The following MAP4 variants were observed in gnomAD, a reference collection of about 807,000 sequenced individuals.
MAP4 encodes the protein microtubule-associated protein 4.
MAP4 carries 76 observed loss-of-function variants against 170.2 expected under a neutral mutation model. The ratio of observed to expected loss-of-function variants is 0.45; its 90% CI spans 0.37 to 0.54. MAP4 has a LOEUF of 0.54. Among genes scored for constraint, MAP4 ranks in the 20% least tolerant of loss-of-function variants. The pLI, the probability that MAP4 is intolerant of heterozygous loss-of-function variation, is 0.00. For synonymous variants in MAP4, 909 were observed against 994.5 expected, an observed-to-expected ratio of 0.91 and a Z score of 1.62; for missense variants, 2,506 against 2,748.0, an observed-to-expected ratio of 0.91 and a Z score of 1.97.
At chr3:48,032,865 A>G (rs2154521445) in intron 1 of MAP4, among the ~76,000 whole-genome samples, 1 of 152,288 alleles carries the variant, frequency 6.6e-6, no homozygotes, top group East Asian at 1.9e-4. Context: ...AAAGCTTCAA[A>G]TCTTAAAGTT....
At chr3:47,928,160 G>A (rs138123383) in intron 4 of MAP4, 68 bp downstream of exon 4, 344 of 1,587,146 alleles carry the variant, frequency 2.2e-4, no homozygotes, top group Middle Eastern at 1.0e-3. Context: ...CATCTGAATG[G>A]TGGTTGTAGC....
At chr3:48,057,686 T>C (rs1039441540) in intron 1 of MAP4, among the ~76,000 whole-genome samples, 3 of 148,616 alleles carry the variant, frequency 2.0e-5, no homozygotes, top group Non-Finnish European at 4.5e-5. Flanking sequence ...CCATATGGCC[T>C]AGCAACTGTA....
chr3:48,021,251 C>T (rs2154480076), upstream of MAP4, among the ~76,000 whole-genome samples: 1 of 152,038 alleles, frequency 6.6e-6, no homozygotes, highest in South Asian at 2.1e-4. Context: ...TAAGGGAGTG[C>T]TTTTAGGAAA....
chr3:47,993,546 C>T (rs2100093626), intron 2 of MAP4, among the ~76,000 whole-genome samples: 1 of 152,210 alleles, frequency 6.6e-6, no homozygotes, highest in East Asian at 1.9e-4. Flanking sequence ...TTCCACTCAA[C>T]TGGTGCCAAA....
intron 3 of MAP4, chr3:47,974,476 T>C: frequency 2.0e-5 from 20 of 984,680 alleles, no homozygotes; most frequent in Non-Finnish European, 2.4e-5. Flanking sequence ...TGGTGCCAAT[T>C]ATTTCTTTTA....
intron 1 of MAP4, among the ~76,000 whole-genome samples, chr3:48,087,914 G>T (rs1214395164): frequency 2.6e-5 from 4 of 152,102 alleles, no homozygotes; most frequent in African/African-American, 7.2e-5. Context: ...ACTAACCTTC[G>T]CGAGGAACAC....
chr3:47,868,579 G>A (rs568654823), intron 16 of MAP4, among the ~76,000 whole-genome samples: 27 of 152,260 alleles, frequency 1.8e-4, no homozygotes, highest in Admixed American at 9.2e-4. Flanking sequence ...GGTAGGTGTT[G>A]CAAGCACTCA....
rs148184141 is a variant in MAP4 at position 47,953,021 on chromosome 3, G to C, written c.293-24671C>G. 2.2e-3 allele frequency among the ~76,000 whole-genome samples: 337 copies of C among 152,192 alleles called. 1 individual carries two copies. The highest frequency in any genetic ancestry group is 7.2e-3 in the African/African-American group (297 of 41,522). On this transcript the variant is annotated intron_variant, in intron 3 of 20. Transcript: ENST00000683076. ...GTAGGTCATTTTAGTGATTAAATTT[G>C]ACACTTTTGACAGAAAAACAGGTCA...
chr3:48,011,212 C>T (rs2100105062), intron 1 of MAP4, among the ~76,000 whole-genome samples: 1 of 152,020 alleles, frequency 6.6e-6, no homozygotes, highest in Non-Finnish European at 1.5e-5. Context: ...CTGAAGGAAC[C>T]ATAAATAGGA....
At chr3:48,017,713 GA>G (rs942936015), upstream of MAP4, among the ~76,000 whole-genome samples, 1 of 152,024 alleles carries the variant, frequency 6.6e-6, no homozygotes, top group Non-Finnish European at 1.5e-5. Context: ...TGAAAGTCTT[GA>G]AATCAAGGTC....
chr3:48,032,757 T>C (rs2100116834), intron 1 of MAP4, among the ~76,000 whole-genome samples: 1 of 152,172 alleles, frequency 6.6e-6, no homozygotes, highest in Non-Finnish European at 1.5e-5. Context: ...TCTGAAATAA[T>C]CTACAATTCC....
intron 1 of MAP4, among the ~76,000 whole-genome samples, chr3:48,047,932 A>T (rs990768842): frequency 6.6e-6 from 1 of 152,208 alleles, no homozygotes; most frequent in Admixed American, 6.5e-5. Flanking sequence ...TCTATCACTT[A>T]AAAAATAAAG....
At chr3:48,083,203 A>T (rs1004468623) in intron 1 of MAP4, among the ~76,000 whole-genome samples, 1 of 152,166 alleles carries the variant, frequency 6.6e-6, no homozygotes, top group Non-Finnish European at 1.5e-5. Context: ...CTTAATTTTG[A>T]TAAGGGTATC....
At chr3:47,858,542 T>C (rs2060182439) in intron 17 of MAP4, among the ~76,000 whole-genome samples, 1 of 152,052 alleles carries the variant, frequency 6.6e-6, no homozygotes, top group Non-Finnish European at 1.5e-5. Context: ...TATTTACTTC[T>C]AGTCCTTTTC....
intron 10 of MAP4, among the ~76,000 whole-genome samples, chr3:47,888,534 G>T (rs911813271): frequency 6.6e-6 from 1 of 151,946 alleles, no homozygotes; most frequent in African/African-American, 2.4e-5. Context: ...GAGCCAGCAA[G>T]ACCACGAACC....
intron 1 of MAP4, among the ~76,000 whole-genome samples, chr3:48,030,653 A>G (rs1057205029): frequency 1.3e-5 from 2 of 151,320 alleles, no homozygotes; most frequent in African/African-American, 4.9e-5. Context: ...CCAAATATTA[A>G]CCAGGCATGA....
chr3:47,876,383 G>A (rs568478693), intron 11 of MAP4, among the ~76,000 whole-genome samples: 62 of 152,126 alleles, frequency 4.1e-4, no homozygotes, highest in African/African-American at 1.3e-3. Flanking sequence ...TGCCCGCCTC[G>A]GCCTCCCAAG....
At chr3:47,987,379 T>G in intron 2 of MAP4, 1 of 1,531,178 alleles carries the variant, frequency 6.5e-7, no homozygotes, top group African/African-American at 1.4e-5. Flanking sequence ...AGAAAAGCAC[T>G]TACCAAGAGG....
At chr3:47,865,519 G>GAA (rs397806595) in intron 17 of MAP4, among the ~76,000 whole-genome samples, 3 of 151,814 alleles carry the variant, frequency 2.0e-5, no homozygotes, top group Non-Finnish European at 4.4e-5. Flanking sequence ...GCAGGAAGGA[G>GAA]TTGTGTGGGG....
Sources: gnomAD v4.1 joint callset for allele counts (sites outside exome capture counted in the v4.1 genomes callset) on GRCh38, gnomAD v4.1.1 for gene constraint, MANE v1.5 for transcripts, NCBI Gene and HGNC (gene_info 2026-07-23, HGNC 2026-07-21) for gene names.